RTN1: variants seen among roughly 807,000 people sequenced by gnomAD.
RTN1 encodes reticulon 1.
Under a neutral mutation model 65.5 loss-of-function variants are expected in RTN1, and 25 were observed. The ratio of observed to expected loss-of-function variants is 0.38; its 90% CI spans 0.28 to 0.53. The LOEUF (loss-of-function observed/expected upper bound fraction) is 0.53, where lower values mean the gene tolerates loss of function less well. RTN1 is among the 20% of genes least tolerant of loss of function. The probability of loss-of-function intolerance (pLI) is 0.79; values close to 1 mark genes in which losing one functional copy is unlikely to be tolerated. For missense variants in RTN1, 983 were observed against 1,025.4 expected (o/e 0.96, Z 0.57); for synonymous variants, 471 against 447.6 (o/e 1.05, Z -0.66).
At chr14:59,682,823 T>G (rs1883772354) in intron 3 of RTN1, among the ~76,000 whole-genome samples, 1 of 152,186 alleles carries the variant, frequency 6.6e-6, no homozygotes, top group African/African-American at 2.4e-5. Context: ...GGGAATATAG[T>G]TAGTCCCACT....
chr14:59,861,278 A>G lies in RTN1; in HGVS notation c.241+9112T>C, dbSNP rs193159093. 4.5e-4 allele frequency among the ~76,000 whole-genome samples: 69 copies of G among 152,258 alleles called. 1 individual carries two copies. Among genetic ancestry groups the G allele is most frequent in the Admixed American group, 9.8e-4 (15 of 15,292 alleles). ...GTCTCACAAGATCTGATGGTATTAT[A>G]AGGGGGATTTTCCCTGCCCAATCTC... On this transcript the variant is annotated intron_variant, in intron 1 of 8. Coordinates refer to ENST00000267484, the MANE Select transcript of RTN1 (RefSeq NM_021136.3).
intron 3 of RTN1, among the ~76,000 whole-genome samples, chr14:59,616,983 T>C (rs1003615801): frequency 1.3e-5 from 2 of 152,252 alleles, no homozygotes; most frequent in Non-Finnish European, 2.9e-5. Context: ...TTTGTTCCTC[T>C]CTACCTAATT....
chr14:59,854,713 T>C (rs1887573963), intron 1 of RTN1, among the ~76,000 whole-genome samples: 2 of 150,022 alleles, frequency 1.3e-5, no homozygotes, highest in South Asian at 4.2e-4. Context: ...GTGAAATAAT[T>C]AAGAGCATGA....
intron 3 of RTN1, among the ~76,000 whole-genome samples, chr14:59,726,551 C>A (rs1594702625): frequency 6.6e-6 from 1 of 152,294 alleles, no homozygotes; most frequent in Non-Finnish European, 1.5e-5. Flanking sequence ...GGAACTGGAC[C>A]AGAGCCTGGA....
chr14:59,769,221 C>G (rs1051399436), intron 1 of RTN1, among the ~76,000 whole-genome samples: 1 of 151,972 alleles, frequency 6.6e-6, no homozygotes, highest in Non-Finnish European at 1.5e-5. Flanking sequence ...GATAGAAAGT[C>G]TTTTACATGA....
chr14:59,864,297 C>A (rs1383489851), intron 1 of RTN1, among the ~76,000 whole-genome samples: 1 of 152,154 alleles, frequency 6.6e-6, no homozygotes, highest in African/African-American at 2.4e-5. Flanking sequence ...ATGTGCTAGG[C>A]ACACTCCCAC....
intron 2 of RTN1, among the ~76,000 whole-genome samples, chr14:59,737,340 T>A (rs547118093): frequency 6.6e-6 from 1 of 152,034 alleles, no homozygotes; most frequent in Non-Finnish European, 1.5e-5. Context: ...AATCAATGTG[T>A]GAAAATTGCT....
At chr14:59,678,588 T>C (rs1010314864) in intron 3 of RTN1, among the ~76,000 whole-genome samples, 1 of 152,186 alleles carries the variant, frequency 6.6e-6, no homozygotes, top group Non-Finnish European at 1.5e-5. Context: ...CATACTGAGG[T>C]CCAGCGTGGG....
chr14:59,721,202 A>G (rs1884640213), intron 3 of RTN1, among the ~76,000 whole-genome samples: 1 of 152,166 alleles, frequency 6.6e-6, no homozygotes, highest in Non-Finnish European at 1.5e-5. Context: ...TCACCCCTCC[A>G]AGGAAAAGAC....
At chr14:59,769,855 G>C (rs527468259) in intron 1 of RTN1, among the ~76,000 whole-genome samples, 1 of 152,256 alleles carries the variant, frequency 6.6e-6, no homozygotes, top group East Asian at 1.9e-4. Flanking sequence ...AAGTGAGGGA[G>C]TGTCTTTTCT....
At chr14:59,708,500 A>T (rs898738635) in intron 3 of RTN1, among the ~76,000 whole-genome samples, 2 of 152,184 alleles carry the variant, frequency 1.3e-5, no homozygotes, top group Non-Finnish European at 2.9e-5. Flanking sequence ...CGGTGATTCC[A>T]CTGGCAACAG....
chr14:59,626,781 T>C (rs1482343854), intron 3 of RTN1, among the ~76,000 whole-genome samples: 1 of 152,152 alleles, frequency 6.6e-6, no homozygotes, highest in African/African-American at 2.4e-5. Flanking sequence ...TTAAAGCAGG[T>C]ATGTAACAAG....
chr14:59,599,870 G>A (rs1881525131), intron 8 of RTN1, among the ~76,000 whole-genome samples: 1 of 152,106 alleles, frequency 6.6e-6, no homozygotes, highest in Non-Finnish European at 1.5e-5. Flanking sequence ...TTTATTCCAT[G>A]AGATTTATCA....
At chr14:59,817,505 T>A (rs2139621220) in intron 1 of RTN1, among the ~76,000 whole-genome samples, 1 of 152,354 alleles carries the variant, frequency 6.6e-6, no homozygotes, top group African/African-American at 2.4e-5. Flanking sequence ...TTATTTTTCT[T>A]CTTTGTAAAG....
At chr14:59,710,203 T>C (rs1419858571) in intron 3 of RTN1, among the ~76,000 whole-genome samples, 2 of 151,576 alleles carry the variant, frequency 1.3e-5, no homozygotes, top group African/African-American at 4.9e-5. Flanking sequence ...CCACCATACC[T>C]GGCCAATTTT....
intron 1 of RTN1, among the ~76,000 whole-genome samples, chr14:59,851,153 T>C (rs1253576076): frequency 2.6e-5 from 4 of 152,242 alleles, no homozygotes; most frequent in Non-Finnish European, 4.4e-5. Flanking sequence ...TGATAATACA[T>C]GGAGCATATC....
At chr14:59,818,182 T>G (rs991598909) in intron 1 of RTN1, among the ~76,000 whole-genome samples, 2 of 152,246 alleles carry the variant, frequency 1.3e-5, no homozygotes, top group African/African-American at 4.8e-5. Flanking sequence ...GCATCCATGT[T>G]GCTGCAAAGG....
intron 1 of RTN1, among the ~76,000 whole-genome samples, chr14:59,827,205 A>G (rs1887047395): frequency 6.6e-6 from 1 of 152,008 alleles, no homozygotes; most frequent in Non-Finnish European, 1.5e-5. Context: ...CAACCTCCCG[A>G]GTAGCTGTGA....
rs570517129 is a variant in RTN1, at chr14:59,802,180, T to C, written c.242-55699A>G. On this transcript the variant is annotated intron_variant, in intron 1 of 8. Coordinates refer to ENST00000267484, the MANE Select transcript of RTN1 (RefSeq NM_021136.3). ...TATTTACTTATTAGTAAAAATAAAG[T>C]CATAAAAATGTAATTGAAACCTAGA... Among the ~76,000 whole-genome samples, 47 of 152,288 alleles carry C rather than the reference T, an allele frequency of 3.1e-4. 1 individual carries two copies. The South Asian group carries it at 9.7e-3, about 32-fold the overall frequency.
Sources: allele counts gnomAD v4.1 joint callset (sites outside exome capture counted in the v4.1 genomes callset), GRCh38; gene constraint gnomAD v4.1.1; transcripts MANE v1.5; gene names NCBI Gene and HGNC (gene_info 2026-07-23, HGNC 2026-07-21).